Variants in ZFAND3 observed in about 807,000 individuals in gnomAD.
ZFAND3 encodes the protein AN1-type zinc finger protein 3.
Under a neutral mutation model 29.6 loss-of-function variants are expected in ZFAND3, and 10 were observed. The observed-to-expected ratio is 0.34, with a 90% confidence interval of 0.21 to 0.57. ZFAND3 has a LOEUF of 0.57. Ranked by LOEUF, ZFAND3 falls within the 20% of genes least tolerant of loss-of-function variation. ZFAND3 has a pLI of 0.86. For missense variants in ZFAND3, 230 were observed against 304.5 expected (o/e 0.76, Z 1.82); for synonymous variants, 128 against 112.6 (o/e 1.14, Z -0.87).
intron 4 of ZFAND3, among the ~76,000 whole-genome samples, chr6:38,095,315 T>A (rs997855388): frequency 3.9e-5 from 6 of 152,198 alleles, no homozygotes; most frequent in African/African-American, 1.4e-4. Context: ...GCCAAATTGA[T>A]CCTTTATTAT....
At chr6:38,068,295 A>T (rs1190461878) in intron 3 of ZFAND3, among the ~76,000 whole-genome samples, 2 of 152,224 alleles carry the variant, frequency 1.3e-5, no homozygotes, top group Non-Finnish European at 2.9e-5. Context: ...ATATTTTGTG[A>T]AATGTGGGAA....
intron 1 of ZFAND3, among the ~76,000 whole-genome samples, chr6:37,867,632 C>T (rs1764612854): frequency 6.6e-6 from 1 of 152,072 alleles, no homozygotes. Context: ...TTTTGATCAG[C>T]TAATGAAATA....
chr6:38,013,833 C>T (rs141918205), intron 2 of ZFAND3, among the ~76,000 whole-genome samples: 14 of 152,156 alleles, frequency 9.2e-5, no homozygotes, highest in African/African-American at 3.4e-4. Flanking sequence ...AAAAAGACAC[C>T]CCATGTTATT....
At chr6:38,068,660 G>T (rs1262030251) in intron 3 of ZFAND3, among the ~76,000 whole-genome samples, 2 of 152,162 alleles carry the variant, frequency 1.3e-5, no homozygotes, top group South Asian at 2.1e-4. Context: ...CGGGACTCTG[G>T]TTTTTTTCCT....
rs71542148 is a variant in ZFAND3, at chr6:37,914,672, C to CTTTTTTTTTTTTTTT, written c.72-15277_72-15276insTTTTTTTTTTTTTTT. Among the ~76,000 whole-genome samples the CTTTTTTTTTTTTTTT allele has an allele frequency of 2.1e-3, 235 of 114,200 alleles. 13 individuals are homozygous for CTTTTTTTTTTTTTTT. The highest frequency in any genetic ancestry group is 4.9e-3 in the African/African-American group (136 of 28,016). 74.9% of individuals were successfully genotyped at this position (114,200 alleles called of 152,430 possible). On this transcript the variant is annotated intron_variant, in intron 1 of 5. Coordinates refer to ENST00000287218, the MANE Select transcript of ZFAND3 (RefSeq NM_021943.3). ...TTTCTTTCTTTCTTTCTTTTTTTTT[C>CTTTTTTTTTTTTTTT]TTTTTTTTTTAGTGGAGACGGGGTT...
At chr6:38,075,822 G>C (rs1581896080) in intron 3 of ZFAND3, among the ~76,000 whole-genome samples, 2 of 152,202 alleles carry the variant, frequency 1.3e-5, no homozygotes, top group East Asian at 3.9e-4. Flanking sequence ...CGCAATCTCT[G>C]CTCACTGCAA....
chr6:37,926,061 T>C (rs259687), intron 1 of ZFAND3, among the ~76,000 whole-genome samples: 106,135 of 151,974 alleles, frequency 0.7, 37,609 homozygotes, highest in African/African-American at 0.77. Flanking sequence ...GGAGGAGCAG[T>C]AGCAAAGGTG....
At position 38,154,353 on chromosome 6, in the gene ZFAND3, T is replaced by C. The variant is rs1301987152; in HGVS notation, c.*1964T>C. ...CTGGCCTGGGGGAGCGAAGCCCATG[T>C]TCGCTTCCTGACTTAGAGCTGGGGG... On this transcript the variant is annotated 3_prime_UTR_variant, in exon 6 of 6. Coordinates refer to ENST00000287218, the MANE Select transcript of ZFAND3 (RefSeq NM_021943.3). 1 of 957,706 alleles carries C rather than the reference T, an allele frequency of 1.0e-6. No homozygotes were observed. Among genetic ancestry groups the C allele is most frequent in the Non-Finnish European group, 1.2e-6 (1 of 810,838 alleles). The allele number at this position is 957,706 out of a possible 1,614,324, so 59.3% of individuals were successfully genotyped here. A position where few individuals can be genotyped will look rare whatever the true frequency, so the allele number is the denominator to read the frequency against.
At chr6:38,021,322 T>C (rs1489889774) in intron 2 of ZFAND3, among the ~76,000 whole-genome samples, 1 of 152,222 alleles carries the variant, frequency 6.6e-6, no homozygotes, top group Non-Finnish European at 1.5e-5. Context: ...TGTGCCCTTT[T>C]TAAAAGGTGC....
At chr6:38,005,238 C>T (rs1294525944) in intron 2 of ZFAND3, among the ~76,000 whole-genome samples, 3 of 152,124 alleles carry the variant, frequency 2.0e-5, no homozygotes, top group African/African-American at 7.2e-5. Flanking sequence ...TGGGCATATT[C>T]TATATCTCTA....
intron 2 of ZFAND3, among the ~76,000 whole-genome samples, chr6:37,940,760 C>G (rs1326464734): frequency 1.3e-5 from 2 of 152,094 alleles, no homozygotes; most frequent in African/African-American, 4.8e-5. Flanking sequence ...TTTTACATTT[C>G]TTAATTTACT....
intron 2 of ZFAND3, among the ~76,000 whole-genome samples, chr6:38,027,487 GA>G (rs1763473019): frequency 6.6e-6 from 1 of 152,062 alleles, no homozygotes; most frequent in Non-Finnish European, 1.5e-5. Flanking sequence ...TTTTATAATA[GA>G]GCATTTGTAA....
intron 4 of ZFAND3, among the ~76,000 whole-genome samples, chr6:38,083,181 T>C (rs1358819523): frequency 2.0e-5 from 3 of 152,168 alleles, no homozygotes; most frequent in Non-Finnish European, 4.4e-5. Context: ...AAAAAATCCT[T>C]GTAACTCCCC....
At chr6:38,080,535 CA>C (rs1307717243) in intron 3 of ZFAND3, among the ~76,000 whole-genome samples, 1 of 152,020 alleles carries the variant, frequency 6.6e-6, no homozygotes, top group Non-Finnish European at 1.5e-5. Flanking sequence ...GATGATTCAT[CA>C]AAAGTCGCTT....
At chr6:37,996,131 A>C (rs76726737) in intron 2 of ZFAND3, among the ~76,000 whole-genome samples, 11 of 148,208 alleles carry the variant, frequency 7.4e-5, no homozygotes, top group African/African-American at 2.4e-4. Context: ...CTCCATTTCA[A>C]AAAAAAAAAA....
At chr6:37,949,305 TG>T (rs1461082595) in intron 2 of ZFAND3, among the ~76,000 whole-genome samples, 1 of 152,188 alleles carries the variant, frequency 6.6e-6, no homozygotes, top group Non-Finnish European at 1.5e-5. Flanking sequence ...TGGGGTTATG[TG>T]GTTGTTGTTA....
intron 2 of ZFAND3, among the ~76,000 whole-genome samples, chr6:37,934,877 C>CT (rs1761670464): frequency 7.0e-6 from 1 of 142,484 alleles, no homozygotes; most frequent in Non-Finnish European, 1.5e-5. Context: ...AAAAGTTAAT[C>CT]TTACCATACT....
intron 1 of ZFAND3, among the ~76,000 whole-genome samples, chr6:37,850,443 C>T (rs1041599531): frequency 1.3e-5 from 2 of 152,126 alleles, no homozygotes; most frequent in African/African-American, 2.4e-5. Context: ...GAGGATGACA[C>T]GTCTAATGGG....
intron 2 of ZFAND3, among the ~76,000 whole-genome samples, chr6:38,050,191 T>A (rs1191772818): frequency 6.6e-6 from 1 of 151,714 alleles, no homozygotes; most frequent in Non-Finnish European, 1.5e-5. Flanking sequence ...CTGACCTCAG[T>A]TGATCCACCC....
Sources: gnomAD v4.1 joint callset for allele counts (sites outside exome capture counted in the v4.1 genomes callset) on GRCh38, gnomAD v4.1.1 for gene constraint, MANE v1.5 for transcripts, NCBI Gene and HGNC (gene_info 2026-07-23, HGNC 2026-07-21) for gene names.